The following PTPRK variants were observed in gnomAD, a reference collection of about 807,000 sequenced individuals.
PTPRK encodes protein tyrosine phosphatase receptor type K.
A neutral mutation model predicts 178.0 loss-of-function variants in PTPRK; 75 were observed. The ratio of observed to expected loss-of-function variants is 0.42; its 90% CI spans 0.35 to 0.51. PTPRK has a LOEUF of 0.51. Among genes scored for constraint, PTPRK ranks in the 20% least tolerant of loss-of-function variants. The pLI, the probability that PTPRK is intolerant of heterozygous loss-of-function variation, is 0.02. For missense variants in PTPRK, 1,441 were observed against 1,797.8 expected (o/e 0.80, Z 3.59); for synonymous variants, 637 against 620.6 (o/e 1.03, Z -0.39).
intron 1 of PTPRK, among the ~76,000 whole-genome samples, chr6:128,466,960 G>A (rs952356760): frequency 1.3e-5 from 2 of 152,056 alleles, no homozygotes; most frequent in Non-Finnish European, 2.9e-5. Flanking sequence ...TTTTGGACAC[G>A]AGGATTAAAG....
intron 5 of PTPRK, among the ~76,000 whole-genome samples, chr6:128,237,111 G>A (rs1468190996): frequency 1.3e-5 from 2 of 152,164 alleles, no homozygotes; most frequent in Non-Finnish European, 1.5e-5. Flanking sequence ...CAAGCATTGT[G>A]TTCTGTACAC....
intron 7 of PTPRK, among the ~76,000 whole-genome samples, chr6:128,151,915 T>A (rs1371479994): frequency 6.6e-6 from 1 of 152,006 alleles, no homozygotes; most frequent in East Asian, 1.9e-4. Flanking sequence ...TTAAAGGGTT[T>A]TTTTTTCTTG....
intron 3 of PTPRK, among the ~76,000 whole-genome samples, chr6:128,295,695 C>A (rs1214043966): frequency 3.3e-5 from 5 of 152,042 alleles, no homozygotes; most frequent in African/African-American, 1.2e-4. Flanking sequence ...AAATCCGGTT[C>A]AATAAACTTA....
At chr6:128,307,620 GA>G (rs377493202) in intron 3 of PTPRK, among the ~76,000 whole-genome samples, 48 of 152,050 alleles carry the variant, frequency 3.2e-4, no homozygotes, top group African/African-American at 1.2e-3. Flanking sequence ...CAATTGATAA[GA>G]AACAGATAAA....
intron 7 of PTPRK, among the ~76,000 whole-genome samples, chr6:128,147,361 A>G (rs1205663281): frequency 6.6e-6 from 1 of 152,172 alleles, no homozygotes; most frequent in Non-Finnish European, 1.5e-5. Flanking sequence ...TTTCAGAAAA[A>G]CTATTAATCA....
intron 1 of PTPRK, among the ~76,000 whole-genome samples, chr6:128,469,366 A>G (rs1234381998): frequency 6.6e-6 from 1 of 152,184 alleles, no homozygotes; most frequent in Non-Finnish European, 1.5e-5. Flanking sequence ...AAAATAATGT[A>G]TATTCCAACA....
chr6:128,092,564 G>T lies in PTPRK; in HGVS notation c.1163-2572C>A, dbSNP rs544048812. Among the ~76,000 whole-genome samples the T allele has an allele frequency of 3.3e-4, 50 of 152,196 alleles. No individual in the cohort carries two copies. In the South Asian group the frequency reaches 0.01, roughly 31 times the overall value. On this transcript the variant is annotated intron_variant, in intron 7 of 29. Transcript: ENST00000368226. ...ATATACACATATGCAGTACATACAT[G>T]TACATCTATATGTGTGTATATACAC...
chr6:127,994,352 T>A (rs902552322), intron 18 of PTPRK, among the ~76,000 whole-genome samples: 1 of 151,762 alleles, frequency 6.6e-6, no homozygotes, highest in Non-Finnish European at 1.5e-5. Flanking sequence ...ATATTGTGAA[T>A]CAATTTAATT....
At chr6:128,110,310 T>A (rs1790437643) in intron 7 of PTPRK, among the ~76,000 whole-genome samples, 1 of 152,152 alleles carries the variant, frequency 6.6e-6, no homozygotes, top group African/African-American at 2.4e-5. Context: ...ATTTACAAAA[T>A]GTCTACATCA....
At chr6:128,299,751 C>A (rs1825227862) in intron 3 of PTPRK, among the ~76,000 whole-genome samples, 1 of 152,098 alleles carries the variant, frequency 6.6e-6, no homozygotes, top group African/African-American at 2.4e-5. Flanking sequence ...AAACGTTAGA[C>A]CTAAAACCAT....
At chr6:128,013,793 G>C (rs887483176) in intron 13 of PTPRK, among the ~76,000 whole-genome samples, 12 of 151,402 alleles carry the variant, frequency 7.9e-5, no homozygotes, top group African/African-American at 2.7e-4. Context: ...CCTTCATTCA[G>C]ATCAGTATCC....
intron 5 of PTPRK, among the ~76,000 whole-genome samples, chr6:128,224,891 CAG>C (rs1389527175): frequency 6.6e-6 from 1 of 152,112 alleles, no homozygotes; most frequent in Non-Finnish European, 1.5e-5. Context: ...GCATATCAGG[CAG>C]AGAGACAGAG....
intron 2 of PTPRK, among the ~76,000 whole-genome samples, chr6:128,328,541 G>A (rs1314672401): frequency 6.6e-6 from 1 of 152,112 alleles, no homozygotes; most frequent in Admixed American, 6.6e-5. Flanking sequence ...CAAACATAAG[G>A]ATTTAATGAA....
intron 3 of PTPRK, among the ~76,000 whole-genome samples, chr6:128,244,604 G>C (rs1815117984): frequency 6.6e-6 from 1 of 152,278 alleles, no homozygotes; most frequent in Admixed American, 6.5e-5. Flanking sequence ...GTGGCATCTA[G>C]ATGCACACAC....
chr6:128,184,413 G>T lies in PTPRK; in HGVS notation c.1162+19C>A. 3.7e-6 allele frequency: 6 copies of T among 1,609,048 alleles called. No homozygotes were observed. The highest frequency in any genetic ancestry group is 5.1e-6 in the Non-Finnish European group (6 of 1,176,902). On this transcript the variant is annotated intron_variant, in intron 7 of 29. Transcript: ENST00000368226. ...TAGATTCCTTCACAAGGTAGAAAAG[G>T]TCTGCTACTCAGTCTTACCTGCACA...
intron 5 of PTPRK, among the ~76,000 whole-genome samples, chr6:128,239,184 T>G (rs1813923116): frequency 6.7e-6 from 1 of 149,600 alleles, no homozygotes; most frequent in Non-Finnish European, 1.5e-5. Context: ...AATTCACAAC[T>G]TATTAAATCT....
chr6:128,326,738 T>C lies in PTPRK; in HGVS notation c.224-4428A>G, dbSNP rs1390447270. On this transcript the variant is annotated intron_variant, in intron 2 of 29. Coordinates refer to ENST00000368226, the MANE Select transcript of PTPRK (RefSeq NM_002844.4). ...GTAGCAAAATCTTAACGGTATATTA[T>C]CTGGTGGGCTGTAATTGTCTTCTAG... Among the ~76,000 whole-genome samples the C allele has an allele frequency of 5.3e-5, 8 of 152,108 alleles. No homozygotes were observed. The South Asian group carries it at 6.2e-4, about 12-fold the overall frequency.
At chr6:128,267,230 T>C (rs984985542) in intron 3 of PTPRK, among the ~76,000 whole-genome samples, 1 of 152,028 alleles carries the variant, frequency 6.6e-6, no homozygotes, top group Non-Finnish European at 1.5e-5. Context: ...CAGGCAAAAA[T>C]GTAACTCATT....
chr6:128,502,026 T>C (rs187933320), intron 1 of PTPRK, among the ~76,000 whole-genome samples: 1 of 152,334 alleles, frequency 6.6e-6, no homozygotes, highest in East Asian at 1.9e-4. Context: ...ATAACTTAAA[T>C]ATTGGGTGCT....
Sources: allele counts gnomAD v4.1 joint callset (sites outside exome capture counted in the v4.1 genomes callset), GRCh38; gene constraint gnomAD v4.1.1; transcripts MANE v1.5; gene names NCBI Gene and HGNC (gene_info 2026-07-23, HGNC 2026-07-21).